The following TSHZ2 variants were observed in gnomAD, a reference collection of about 807,000 sequenced individuals.
TSHZ2 encodes teashirt zinc finger homeobox 2.
A neutral mutation model predicts 74.4 loss-of-function variants in TSHZ2; 21 were observed. The ratio of observed to expected loss-of-function variants is 0.28; its 90% CI spans 0.20 to 0.41. The LOEUF (loss-of-function observed/expected upper bound fraction) is 0.41, where lower values mean the gene tolerates loss of function less well. Among genes scored for constraint, TSHZ2 ranks in the 10% least tolerant of loss-of-function variants. The pLI is 1.00. For missense variants in TSHZ2, 1,244 were observed against 1,293.5 expected (o/e 0.96, Z 0.59); for synonymous variants, 540 against 515.3 (o/e 1.05, Z -0.65).
chr20:53,396,419 A>G (rs1055618947), intron 2 of TSHZ2, among the ~76,000 whole-genome samples: 8 of 152,210 alleles, frequency 5.3e-5, no homozygotes, highest in African/African-American at 1.9e-4. Flanking sequence ...AAGTGGAGGA[A>G]GTTAAGTAAC....
chr20:53,241,756 G>T (rs1000671946), intron 1 of TSHZ2, among the ~76,000 whole-genome samples: 1 of 152,006 alleles, frequency 6.6e-6, no homozygotes, highest in Non-Finnish European at 1.5e-5. Flanking sequence ...TTTGAGGCAG[G>T]TACTATTATT....
intron 2 of TSHZ2, among the ~76,000 whole-genome samples, chr20:53,409,723 G>GA (rs1380729139): frequency 3.3e-5 from 5 of 151,040 alleles, no homozygotes; most frequent in African/African-American, 7.3e-5. Flanking sequence ...TGTTGATTGA[G>GA]AAAATAGAAA....
intron 2 of TSHZ2, among the ~76,000 whole-genome samples, chr20:53,439,137 A>T (rs1023966494): frequency 6.6e-6 from 1 of 152,238 alleles, no homozygotes; most frequent in Non-Finnish European, 1.5e-5. Context: ...GTATGACTTT[A>T]AAATGTACCT....
rs1053887169 is a variant in TSHZ2 at position 53,440,600 on chromosome 20, G to A, written c.*9-46544G>A. ...GAAGACAGGCCACATTCCTGATCTCGTGGAGCCAACACTCCAGTGGGGAGA... is the reference window on the plus strand; with the variant it reads ...GAAGACAGGCCACATTCCTGATCTCATGGAGCCAACACTCCAGTGGGGAGA... On this transcript the variant is annotated intron_variant, in intron 2 of 2. Coordinates refer to ENST00000371497, the MANE Select transcript of TSHZ2 (RefSeq NM_173485.6). Among the ~76,000 whole-genome samples the A allele has an allele frequency of 4.6e-5, 7 of 152,302 alleles. 1 individual carries two copies. The East Asian group carries it at 1.2e-3, about 25-fold the overall frequency.
Position 53,114,130 on chromosome 20 carries a change from T to C in TSHZ2, c.41-139369T>C, listed in dbSNP as rs189903866. Among the ~76,000 whole-genome samples, 22 of 151,724 alleles carry C rather than the reference T, an allele frequency of 1.5e-4. No homozygotes were observed. The East Asian group carries it at 4.3e-3, about 29-fold the overall frequency. On this transcript the variant is annotated intron_variant, in intron 1 of 2. Transcript: ENST00000371497. ...AAAAAAAGAAAGAAAAAAAAAATGG[T>C]CCATACACATTTCTGGAGTGGATGT... is the stretch of plus-strand genomic sequence containing the variant.
chr20:53,321,261 A>G (rs1386255992), intron 2 of TSHZ2, among the ~76,000 whole-genome samples: 1 of 151,954 alleles, frequency 6.6e-6, no homozygotes, highest in Non-Finnish European at 1.5e-5. Context: ...TTGGTCCCTT[A>G]TATCATTCCT....
chr20:53,009,604 T>G (rs191964230), intron 1 of TSHZ2, among the ~76,000 whole-genome samples: 2 of 152,310 alleles, frequency 1.3e-5, no homozygotes, highest in African/African-American at 4.8e-5. Context: ...AAACCACAGA[T>G]AAGTAGGGAC....
At chr20:53,449,220 G>T (rs897515870) in intron 2 of TSHZ2, among the ~76,000 whole-genome samples, 1 of 152,146 alleles carries the variant, frequency 6.6e-6, no homozygotes, top group Admixed American at 6.5e-5. Context: ...GAGAGCCCTA[G>T]GTTCAAACCA....
intron 1 of TSHZ2, among the ~76,000 whole-genome samples, chr20:53,240,777 T>A (rs573759524): frequency 1.7e-5 from 2 of 118,922 alleles, no homozygotes; most frequent in African/African-American, 6.1e-5. Context: ...ATAGATATGG[T>A]TTTTTAGGGG....
At chr20:53,063,312 C>T (rs1180671769) in intron 1 of TSHZ2, among the ~76,000 whole-genome samples, 1 of 152,136 alleles carries the variant, frequency 6.6e-6, no homozygotes, top group East Asian at 1.9e-4. Flanking sequence ...CCTGTATATG[C>T]ACTTAACCAA....
At chr20:53,163,350 C>CTG (rs2123468110) in intron 1 of TSHZ2, among the ~76,000 whole-genome samples, 1 of 126,956 alleles carries the variant, frequency 7.9e-6, no homozygotes, top group South Asian at 2.8e-4. Context: ...TGCACGCACG[C>CTG]TCTCTGTCTC....
chr20:53,134,296 G>C (rs1286870036), intron 1 of TSHZ2, among the ~76,000 whole-genome samples: 1 of 152,178 alleles, frequency 6.6e-6, no homozygotes, highest in Non-Finnish European at 1.5e-5. Context: ...TTTCTTTGAA[G>C]CTGTCTACAA....
At chr20:52,976,822 C>T (rs1266420838) in intron 1 of TSHZ2, among the ~76,000 whole-genome samples, 2 of 152,066 alleles carry the variant, frequency 1.3e-5, no homozygotes, top group African/African-American at 4.8e-5. Context: ...CTGCCCCTGC[C>T]CACCCAAAGC....
At chr20:53,262,839 G>T (rs1006460877) in intron 2 of TSHZ2, among the ~76,000 whole-genome samples, 1 of 152,108 alleles carries the variant, frequency 6.6e-6, no homozygotes, top group African/African-American at 2.4e-5. Flanking sequence ...ATTAAATCCA[G>T]TGTAAATGTT....
intron 1 of TSHZ2, among the ~76,000 whole-genome samples, chr20:53,233,802 G>A (rs1989880138): frequency 6.6e-6 from 1 of 152,166 alleles, no homozygotes; most frequent in African/African-American, 2.4e-5. Flanking sequence ...AACAAAAAAA[G>A]AAGAGTATAT....
intron 1 of TSHZ2, among the ~76,000 whole-genome samples, chr20:52,986,931 T>C (rs1377420745): frequency 6.6e-6 from 1 of 152,062 alleles, no homozygotes; most frequent in Non-Finnish European, 1.5e-5. Context: ...TTTGTGTGTG[T>C]GTGTGTATGT....
rs1431554349 is a variant in TSHZ2 at position 53,254,224 on chromosome 20, T to C, written c.766T>C (p.Ser256Pro). The C allele has an allele frequency of 6.2e-7, 1 of 1,614,130 alleles. No individual in the cohort carries two copies. Among genetic ancestry groups the C allele is most frequent in the East Asian group, 2.2e-5 (1 of 44,874 alleles). ...KKDKLRPTSY[S>P]KPRKRAFQDM... ...GGACAAGCTCAGACCCACGAGCTAT[T>C]CAAAGCCCAGGAAAAGGGCTTTCCA... The change falls in exon 2 of 3, where the codon TCA (serine) becomes CCA (proline). Residue 256 changes from serine to proline, a missense_variant. Physicochemically the swap from Ser to Pro is moderately conservative, Grantham distance 74. Coordinates refer to ENST00000371497, the MANE Select transcript of TSHZ2 (RefSeq NM_173485.6).
At chr20:53,148,700 A>G (rs1276923696) in intron 1 of TSHZ2, among the ~76,000 whole-genome samples, 1 of 152,202 alleles carries the variant, frequency 6.6e-6, no homozygotes, top group East Asian at 1.9e-4. Context: ...GAAAATGAAG[A>G]CATCTCCCAA....
At chr20:53,241,594 A>G (rs1990072439) in intron 1 of TSHZ2, among the ~76,000 whole-genome samples, 1 of 152,146 alleles carries the variant, frequency 6.6e-6, no homozygotes, top group African/African-American at 2.4e-5. Context: ...AAGTATATAC[A>G]AAAAATCCTG....
Sources: gnomAD v4.1 joint callset for allele counts (sites outside exome capture counted in the v4.1 genomes callset) on GRCh38, gnomAD v4.1.1 for gene constraint, MANE v1.5 for transcripts, NCBI Gene and HGNC (gene_info 2026-07-23, HGNC 2026-07-21) for gene names.